The following GMDS variants were observed in gnomAD, a reference collection of about 807,000 sequenced individuals.
GMDS encodes the protein GDP-mannose 4,6 dehydratase.
In GMDS, 20 loss-of-function variants were observed where a neutral mutation model predicts 49.9. That is an observed-to-expected ratio of 0.40 (90% CI 0.28 to 0.58). GMDS has a LOEUF of 0.58. Ranked by LOEUF, GMDS falls within the 20% of genes least tolerant of loss-of-function variation. GMDS has a pLI of 0.42. For missense variants in GMDS, 362 were observed against 481.4 expected, an observed-to-expected ratio of 0.75 and a Z score of 2.32; for synonymous variants, 177 against 178.6, an observed-to-expected ratio of 0.99 and a Z score of 0.07.
intron 7 of GMDS, among the ~76,000 whole-genome samples, chr6:1,805,029 T>C (rs1464734323): frequency 6.6e-6 from 1 of 152,222 alleles, no homozygotes; most frequent in Non-Finnish European, 1.5e-5. Context: ...ACAGCTATCT[T>C]ACCATCTATA....
At chr6:2,040,661 A>G (rs1484302220) in intron 4 of GMDS, among the ~76,000 whole-genome samples, 1 of 152,180 alleles carries the variant, frequency 6.6e-6, no homozygotes, top group Non-Finnish European at 1.5e-5. Flanking sequence ...GGTTTAGGAC[A>G]CATTGCCCAA....
chr6:1,751,601 C>G (rs1043907928), intron 7 of GMDS, among the ~76,000 whole-genome samples: 2 of 152,234 alleles, frequency 1.3e-5, no homozygotes, highest in African/African-American at 2.4e-5. Flanking sequence ...TCAAGCGATT[C>G]TCTTGCCTCA....
intron 9 of GMDS, among the ~76,000 whole-genome samples, chr6:1,661,198 C>T (rs879539292): frequency 6.6e-6 from 1 of 152,200 alleles, no homozygotes; most frequent in Middle Eastern, 3.4e-3. Flanking sequence ...TCACTGATAC[C>T]TTTTTCAATT....
chr6:2,129,021 G>A (rs1167387717), intron 1 of GMDS, among the ~76,000 whole-genome samples: 1 of 152,180 alleles, frequency 6.6e-6, no homozygotes, highest in Non-Finnish European at 1.5e-5. Context: ...TGTTCCTGAC[G>A]CCTATCCTGT....
rs1369090302 is a variant in GMDS at position 1,624,126 on chromosome 6, C to A, written c.*43G>T. 3.8e-6 allele frequency: 6 copies of A among 1,568,996 alleles called. No individual in the cohort carries two copies. The highest frequency in any genetic ancestry group is 5.2e-6 in the Non-Finnish European group (6 of 1,149,892). On this transcript the variant is annotated 3_prime_UTR_variant, in exon 11 of 11. Coordinates refer to ENST00000380815, the MANE Select transcript of GMDS (RefSeq NM_001500.4). ...CAGCGCGTCTGCACCGGAGACTCTG[C>A]GGGGATTGTAGCCGGAGGGCGGGCC...
chr6:2,024,627 A>G (rs547733818), intron 4 of GMDS, among the ~76,000 whole-genome samples: 1 of 152,200 alleles, frequency 6.6e-6, no homozygotes. Context: ...ACAAAGAGAA[A>G]GTATAAATTT....
intron 7 of GMDS, among the ~76,000 whole-genome samples, chr6:1,822,451 A>T (rs1043071481): frequency 6.6e-6 from 1 of 152,222 alleles, no homozygotes; most frequent in African/African-American, 2.4e-5. Context: ...GAGGGAAAAA[A>T]ATACATATAC....
intron 7 of GMDS, among the ~76,000 whole-genome samples, chr6:1,781,237 C>T (rs991796689): frequency 4.6e-5 from 7 of 152,208 alleles, no homozygotes; most frequent in Non-Finnish European, 7.3e-5. Context: ...TCCCTGCCTT[C>T]GTGGTCCTTC....
chr6:2,165,921 A>G (rs1019264874), intron 1 of GMDS, among the ~76,000 whole-genome samples: 1 of 152,194 alleles, frequency 6.6e-6, no homozygotes, highest in Non-Finnish European at 1.5e-5. Context: ...TGAACAGTAG[A>G]CTTGACAAAG....
intron 7 of GMDS, among the ~76,000 whole-genome samples, chr6:1,756,694 A>G (rs1767960615): frequency 6.6e-6 from 1 of 152,178 alleles, no homozygotes; most frequent in Non-Finnish European, 1.5e-5. Context: ...TGGGGCCAAG[A>G]TGGCCTCCCT....
intron 7 of GMDS, among the ~76,000 whole-genome samples, chr6:1,748,320 ATTTC>A: frequency 6.6e-6 from 1 of 152,068 alleles, no homozygotes; most frequent in Non-Finnish European, 1.5e-5. Flanking sequence ...CTTCTATTCA[ATTTC>A]TTTTTCATGC....
At chr6:2,070,662 AC>A (rs1562026684) in intron 4 of GMDS, among the ~76,000 whole-genome samples, 2 of 151,934 alleles carry the variant, frequency 1.3e-5, no homozygotes. Context: ...GGCTCTAAAT[AC>A]TCCTGATCCA....
At chr6:2,220,364 T>C (rs1356572838) in intron 1 of GMDS, among the ~76,000 whole-genome samples, 1 of 152,266 alleles carries the variant, frequency 6.6e-6, no homozygotes, top group African/African-American at 2.4e-5. Flanking sequence ...CTGGTACAGA[T>C]GTCTGGTGAT....
At chr6:1,983,430 G>A (rs149000239) in intron 4 of GMDS, among the ~76,000 whole-genome samples, 10,010 of 152,180 alleles carry the variant, frequency 0.066, 461 homozygotes, top group Non-Finnish European at 0.097. Flanking sequence ...ACGATCAACA[G>A]AGTAAACAGA....
chr6:2,111,365 TC>T (rs1774535711), intron 4 of GMDS, among the ~76,000 whole-genome samples: 1 of 152,220 alleles, frequency 6.6e-6, no homozygotes, highest in Admixed American at 6.5e-5. Context: ...TCTCACTTTC[TC>T]CCACATAAGA....
intron 7 of GMDS, among the ~76,000 whole-genome samples, chr6:1,886,088 T>G (rs974867931): frequency 2.0e-5 from 3 of 152,216 alleles, no homozygotes; most frequent in Admixed American, 6.5e-5. Flanking sequence ...AGAAAAGTTA[T>G]GATTTTCCTC....
chr6:2,236,144 T>C (rs1316390942), intron 1 of GMDS, among the ~76,000 whole-genome samples: 5 of 152,220 alleles, frequency 3.3e-5, no homozygotes, highest in South Asian at 2.1e-4. Context: ...TTATAAAAAA[T>C]TGGGGTTTCC....
intron 9 of GMDS, among the ~76,000 whole-genome samples, chr6:1,659,559 G>A (rs7753494): frequency 0.043 from 6,579 of 152,208 alleles, 437 homozygotes; most frequent in African/African-American, 0.15. Flanking sequence ...AAGGGGCTGG[G>A]TGGACAGGAA....
At chr6:1,962,155 T>C (rs2127299365) in intron 4 of GMDS, among the ~76,000 whole-genome samples, 1 of 152,294 alleles carries the variant, frequency 6.6e-6, no homozygotes, top group South Asian at 2.1e-4. Context: ...TTCACAGCAG[T>C]AGATGCCATC....
Sources: allele counts gnomAD v4.1 joint callset (sites outside exome capture counted in the v4.1 genomes callset), GRCh38; gene constraint gnomAD v4.1.1; transcripts MANE v1.5; gene names NCBI Gene and HGNC (gene_info 2026-07-23, HGNC 2026-07-21).